Variants in TTC21B observed in about 807,000 individuals in gnomAD.
TTC21B encodes the protein tetratricopeptide repeat domain 21B, also known as tetratricopeptide repeat protein 21B.
In TTC21B, 127 loss-of-function variants were observed where a neutral mutation model predicts 175.1. The ratio of observed to expected loss-of-function variants is 0.73; its 90% CI spans 0.63 to 0.84. The LOEUF is 0.84. TTC21B is among the 40% of genes least tolerant of loss of function. The pLI, the probability that TTC21B is intolerant of heterozygous loss-of-function variation, is 0.00. For missense variants in TTC21B, 1,561 were observed against 1,558.3 expected (o/e 1.00, Z -0.03); for synonymous variants, 524 against 524.5 (o/e 1.00, Z 0.01).
At chr2:165,898,820 T>C (rs966634949) in intron 21 of TTC21B, 53 bp from the exon 22 acceptor site, 6 of 1,094,948 alleles carry the variant, frequency 5.5e-6, no homozygotes, top group Admixed American at 1.7e-5. Context: ...TTACACAACA[T>C]GTTCTTCCAA....
In TTC21B at chr2:165,874,849, G is replaced by T. The variant is rs760180273; in HGVS notation, c.3874-17C>A. On this transcript the variant is annotated splice_polypyrimidine_tract_variant and intron_variant, in intron 28 of 28. Coordinates refer to ENST00000243344, the MANE Select transcript of TTC21B (RefSeq NM_024753.5). Reference sequence around the variant, plus strand: ...TTCAAGAACCTGCAAAACAAATAAAGAACCCATAAAAACTTGTAACTAATA... The same window carrying T: ...TTCAAGAACCTGCAAAACAAATAAATAACCCATAAAAACTTGTAACTAATA... 6 of 1,611,578 alleles carry T rather than the reference G, an allele frequency of 3.7e-6. No homozygotes were observed. Among genetic ancestry groups the T allele is most frequent in the Non-Finnish European group, 5.1e-6 (6 of 1,178,126 alleles).
At chr2:165,874,919 C>T (rs916579904) in intron 28 of TTC21B, 87 bp from the exon 29 acceptor site, 4 of 1,195,774 alleles carry the variant, frequency 3.3e-6, no homozygotes, top group Non-Finnish European at 4.9e-6. Flanking sequence ...ATGAGCATTA[C>T]AGTTAAGATT....
At chr2:165,909,576 C>A (rs986291442) in intron 18 of TTC21B, among the ~76,000 whole-genome samples, 1 of 152,010 alleles carries the variant, frequency 6.6e-6, no homozygotes, top group Non-Finnish European at 1.5e-5. Context: ...TATCACTCAT[C>A]AAAGAAATGT....
At chr2:165,918,210 G>C (rs1485102702) in intron 13 of TTC21B, among the ~76,000 whole-genome samples, 2 of 152,166 alleles carry the variant, frequency 1.3e-5, no homozygotes, top group African/African-American at 2.4e-5. Context: ...CAGAGATTTT[G>C]ACTCAGTAAA....
intron 25 of TTC21B, 95 bp from the exon 26 acceptor site, chr2:165,884,113 G>T: frequency 2.1e-6 from 2 of 964,926 alleles, no homozygotes; most frequent in Non-Finnish European, 3.3e-6. Flanking sequence ...GAACTAGTTT[G>T]TGGATTCTAT....
Position 165,915,298 on chromosome 2 carries a change from T to G in TTC21B, c.2041A>C (p.Thr681Pro), listed in dbSNP as rs774524521. Residue 681 changes from threonine (T) to proline (P), a missense_variant, in exon 15 of 29, where the codon ACA (threonine) becomes CCA (proline). By Grantham distance (38) the Thr-to-Pro change is conservative. Coordinates refer to ENST00000243344, the MANE Select transcript of TTC21B (RefSeq NM_024753.5). ...ERALSILQNV[T>P]AEQPYFIEAR... The stretch of plus-strand genomic sequence containing the variant: ...TCTATAAAATAAGGCTGTTCGGCTG[T>G]AACATTCTGAAGGATGCTTAAAGCC... 1.2e-6 allele frequency: 2 copies of G among 1,614,162 alleles called. No homozygotes were observed. Among genetic ancestry groups the G allele is most frequent in the South Asian group, 2.2e-5 (2 of 91,086 alleles).
intron 8 of TTC21B, among the ~76,000 whole-genome samples, chr2:165,930,723 G>GT (rs1686858414): frequency 2.2e-5 from 2 of 91,040 alleles, no homozygotes; most frequent in East Asian, 6.0e-4. Flanking sequence ...ATGGTTACGT[G>GT]GGTATGGGGG....
intron 26 of TTC21B, among the ~76,000 whole-genome samples, chr2:165,881,609 G>A (rs1391917147): frequency 6.6e-6 from 1 of 151,998 alleles, no homozygotes; most frequent in East Asian, 1.9e-4. Flanking sequence ...ATATTCCTAT[G>A]TCACTGACGT....
At chr2:165,948,990 T>C (rs1687677527) in intron 3 of TTC21B, 1 of 205,490 alleles carries the variant, frequency 4.9e-6, no homozygotes, top group Non-Finnish European at 9.9e-6. Context: ...TTTAAGGCTC[T>C]CAATAAGCTT....
intron 15 of TTC21B, 76 bp downstream of exon 15, chr2:165,915,124 GA>G: frequency 8.3e-7 from 1 of 1,206,060 alleles, no homozygotes; most frequent in Non-Finnish European, 1.2e-6. Context: ...GCAGTTGAAA[GA>G]AAGTTAAAAA....
intron 17 of TTC21B, 28 bp downstream of exon 17, chr2:165,912,486 G>A: frequency 6.5e-7 from 1 of 1,542,290 alleles, no homozygotes; most frequent in Non-Finnish European, 9.0e-7. Context: ...TGATGCAACA[G>A]ACATATTTCA....
chr2:165,910,333 G>T (rs1440398514), intron 18 of TTC21B, among the ~76,000 whole-genome samples: 4 of 152,046 alleles, frequency 2.6e-5, no homozygotes, highest in Non-Finnish European at 5.9e-5. Context: ...AGCCCGGGCA[G>T]CAGAGCTTGC....
intron 6 of TTC21B, among the ~76,000 whole-genome samples, chr2:165,936,368 A>G (rs1030136010): frequency 6.6e-6 from 1 of 152,156 alleles, no homozygotes; most frequent in African/African-American, 2.4e-5. Flanking sequence ...CTAGAAGATA[A>G]TACAGGAGAA....
At chr2:165,926,125 T>C (rs914670023) in intron 11 of TTC21B, among the ~76,000 whole-genome samples, 5 of 152,238 alleles carry the variant, frequency 3.3e-5, no homozygotes, top group Non-Finnish European at 4.4e-5. Flanking sequence ...GATATTTCCC[T>C]ATGAAAACAG....
chr2:165,908,164 A>G (rs1396736419), intron 18 of TTC21B, among the ~76,000 whole-genome samples: 1 of 152,214 alleles, frequency 6.6e-6, no homozygotes, highest in Admixed American at 6.5e-5. Flanking sequence ...GCTCTTTTAA[A>G]AATCATAGAT....
chr2:165,940,728 T>C (rs771571541), intron 6 of TTC21B, among the ~76,000 whole-genome samples: 11 of 152,280 alleles, frequency 7.2e-5, no homozygotes, highest in South Asian at 4.1e-4. Context: ...TACTACACAA[T>C]ATACTTATTT....
chr2:165,887,875 T>G (rs964208854), intron 25 of TTC21B, among the ~76,000 whole-genome samples: 1 of 152,204 alleles, frequency 6.6e-6, no homozygotes, highest in Admixed American at 6.5e-5. Context: ...TGTAGCTATA[T>G]AGCTGGAAAA....
chr2:165,916,044 A>G (rs533318265), intron 14 of TTC21B, among the ~76,000 whole-genome samples: 14 of 152,346 alleles, frequency 9.2e-5, no homozygotes, highest in Non-Finnish European at 1.5e-4. Context: ...GCACTTTGGG[A>G]GGCCGAGCTG....
At chr2:165,899,976 AGTCATTGCAAT>A in intron 20 of TTC21B, 96 bp from the exon 21 acceptor site, 1 of 574,202 alleles carries the variant, frequency 1.7e-6, no homozygotes. Context: ...GTTGACCAAA[AGTCATTGCAAT>A]AAAATGCCAA....
Sources: gnomAD v4.1 joint callset for allele counts (sites outside exome capture counted in the v4.1 genomes callset) on GRCh38, gnomAD v4.1.1 for gene constraint, MANE v1.5 for transcripts, NCBI Gene and HGNC (gene_info 2026-07-23, HGNC 2026-07-21) for gene names.